The following METAP1 variants were observed in gnomAD, a reference collection of about 807,000 sequenced individuals.
METAP1 encodes methionyl aminopeptidase 1, also known as methionine aminopeptidase 1.
Under a neutral mutation model 53.8 loss-of-function variants are expected in METAP1, and 28 were observed. That is an observed-to-expected ratio of 0.52 (90% confidence interval 0.39 to 0.71). The LOEUF (loss-of-function observed/expected upper bound fraction) is 0.71. Ranked by LOEUF, METAP1 falls within the 30% of genes least tolerant of loss-of-function variation. The pLI is 0.00. For synonymous variants in METAP1, 181 were observed against 165.7 expected (o/e 1.09, Z -0.71); for missense variants, 389 against 479.8 (o/e 0.81, Z 1.77).
intron 8 of METAP1, 25 bp downstream of exon 8, chr4:99,045,335 T>TAGGTGCCACCAATAGG (rs752451124): frequency 8.7e-6 from 14 of 1,611,708 alleles, no homozygotes; most frequent in Non-Finnish European, 1.0e-5. Context: ...TGAGCACCTA[T>TAGGTGCCACCAATAGG]TGGCAGTCCT....
At chr4:99,007,280 A>G (rs771100922) in intron 1 of METAP1, among the ~76,000 whole-genome samples, 1 of 152,166 alleles carries the variant, frequency 6.6e-6, no homozygotes, top group Non-Finnish European at 1.5e-5. Flanking sequence ...GACAAGACTC[A>G]TAGGTGATGT....
intron 9 of METAP1, among the ~76,000 whole-genome samples, 171 bp downstream of exon 9, chr4:99,049,047 T>C (rs1303874635): frequency 6.6e-6 from 1 of 152,232 alleles, no homozygotes; most frequent in Non-Finnish European, 1.5e-5. Flanking sequence ...CGTATCTTAC[T>C]CACATAATAG....
At chr4:99,009,009 C>G (rs1452617642) in intron 1 of METAP1, among the ~76,000 whole-genome samples, 2 of 152,168 alleles carry the variant, frequency 1.3e-5, no homozygotes, top group East Asian at 3.8e-4. Flanking sequence ...GAACTGAACT[C>G]CATAGCCCTA....
intron 2 of METAP1, among the ~76,000 whole-genome samples, chr4:99,033,646 C>T (rs1725218604): frequency 6.6e-6 from 1 of 152,126 alleles, no homozygotes; most frequent in South Asian, 2.1e-4. Flanking sequence ...TTTTTCCTGC[C>T]TCTTTCCTTT....
Position 99,061,134 on chromosome 4 carries a change from AT to A in METAP1, c.998-18del. ...TTTAGAAAACTGAGTGAACTAAGAA[AT>A]TGTTTTTGTTTGTTGAAGGCGGATG... is the stretch of plus-strand genomic sequence containing the variant. On this transcript the variant is annotated intron_variant, in intron 10 of 10. Transcript: ENST00000296411. 1 of 1,600,174 alleles carries A rather than the reference AT, an allele frequency of 6.2e-7. No individual in the cohort carries two copies.
At position 99,048,868 on chromosome 4, in the gene METAP1, A is replaced by G; in HGVS notation, c.923A>G (p.His308Arg). ...TTTCATACAGCTCCCAATGTACCCC[A>G]CTATGCTAGTAAGTACTATCCAGAG... is the stretch of plus-strand genomic sequence containing the variant. ...KLFHTAPNVP[H>R]YAKNKAVGVM... The change falls in exon 9 of 11, where the codon CAC becomes CGC. Residue 308 changes from histidine to arginine, a missense_variant. Coordinates refer to ENST00000296411, the MANE Select transcript of METAP1 (RefSeq NM_015143.3). 6.2e-7 allele frequency: 1 copy of G among 1,613,956 alleles called. No individual in the cohort carries two copies. Among genetic ancestry groups the G allele is most frequent in the Non-Finnish European group, 8.5e-7 (1 of 1,179,862 alleles).
At chr4:99,057,896 T>C (rs1482229388) in intron 10 of METAP1, 78 bp downstream of exon 10, 11 of 1,259,726 alleles carry the variant, frequency 8.7e-6, no homozygotes, top group Non-Finnish European at 1.2e-5. Context: ...CAGTGGTCTT[T>C]TCTACCTGCT....
intron 1 of METAP1, among the ~76,000 whole-genome samples, chr4:99,002,602 G>A (rs1440160403): frequency 1.3e-5 from 2 of 152,136 alleles, no homozygotes; most frequent in African/African-American, 4.8e-5. Context: ...GCATGTGTGT[G>A]TGGGGCACCT....
At chr4:99,040,234 T>C (rs569291384) in intron 5 of METAP1, among the ~76,000 whole-genome samples, 3 of 152,230 alleles carry the variant, frequency 2.0e-5, no homozygotes, top group Non-Finnish European at 2.9e-5. Context: ...CAGAGGGTTA[T>C]GCTGTAGGCC....
chr4:99,056,569 C>CTTGTTTGT (rs537875154), intron 9 of METAP1, among the ~76,000 whole-genome samples: 1 of 151,492 alleles, frequency 6.6e-6, no homozygotes, highest in Non-Finnish European at 1.5e-5. Flanking sequence ...TTTTTGTTTG[C>CTTGTTTGT]TTGTTTGTTT....
At chr4:99,012,071 TA>T (rs981045873) in intron 1 of METAP1, among the ~76,000 whole-genome samples, 2 of 152,172 alleles carry the variant, frequency 1.3e-5, no homozygotes, top group African/African-American at 4.8e-5. Context: ...TCATTGTTTT[TA>T]TTTTTTTGGG....
chr4:99,038,789 T>C (rs894121592), intron 4 of METAP1, among the ~76,000 whole-genome samples: 1 of 152,162 alleles, frequency 6.6e-6, no homozygotes, highest in African/African-American at 2.4e-5. Context: ...TTTGTATGTG[T>C]ATATAAATAA....
intron 1 of METAP1, among the ~76,000 whole-genome samples, chr4:99,005,387 A>G (rs909495153): frequency 2.6e-5 from 4 of 152,230 alleles, no homozygotes; most frequent in South Asian, 2.1e-4. Context: ...AAAATGCTCA[A>G]TGTCACTAAT....
intron 1 of METAP1, among the ~76,000 whole-genome samples, chr4:99,020,896 G>T (rs892752399): frequency 6.6e-6 from 1 of 152,082 alleles, no homozygotes; most frequent in African/African-American, 2.4e-5. Context: ...GTAAGCATAA[G>T]TCCTAAAGGA....
chr4:99,018,196 G>C (rs1723890212), intron 1 of METAP1, among the ~76,000 whole-genome samples: 1 of 152,204 alleles, frequency 6.6e-6, no homozygotes, highest in Non-Finnish European at 1.5e-5. Flanking sequence ...CCCTCGACCT[G>C]TTCAGGTCCT....
intron 1 of METAP1, among the ~76,000 whole-genome samples, chr4:99,002,232 G>C (rs865966820): frequency 6.6e-6 from 1 of 152,138 alleles, no homozygotes; most frequent in Admixed American, 6.5e-5. Flanking sequence ...GCAGTGGCAC[G>C]GTAACTCCTT....
intron 1 of METAP1, among the ~76,000 whole-genome samples, chr4:99,017,249 C>T (rs549932524): frequency 1.3e-5 from 2 of 152,334 alleles, no homozygotes; most frequent in South Asian, 4.1e-4. Flanking sequence ...CCTCTGTCTG[C>T]CCCAATTTTT....
intron 1 of METAP1, among the ~76,000 whole-genome samples, chr4:99,006,448 G>A (rs964909164): frequency 2.6e-5 from 4 of 152,104 alleles, no homozygotes; most frequent in African/African-American, 9.7e-5. Context: ...TTTTATTTAT[G>A]TGTGCTTGTA....
At chr4:99,002,001 A>G (rs554003802) in intron 1 of METAP1, among the ~76,000 whole-genome samples, 67 of 152,316 alleles carry the variant, frequency 4.4e-4, no homozygotes, top group African/African-American at 1.5e-3. Flanking sequence ...CCAGTCTTTG[A>G]GTTACCTTTT....
Sources: allele counts gnomAD v4.1 joint callset (sites outside exome capture counted in the v4.1 genomes callset), GRCh38; gene constraint gnomAD v4.1.1; transcripts MANE v1.5; gene names NCBI Gene and HGNC (gene_info 2026-07-23, HGNC 2026-07-21).